Variants in BLTP3A observed in about 807,000 individuals in gnomAD.
BLTP3A encodes ICBP90 binding protein 1.
the BLTP3A span, among the ~76,000 whole-genome samples, chr6:34,847,921 C>CTTTTTTTTTTT: frequency 9.9e-5 from 9 of 91,140 alleles, no homozygotes; most frequent in African/African-American, 4.1e-4. Context: ...TCTTTTTTTC[C>CTTTTTTTTTTT]TTTTTTTTTT....
the BLTP3A span, among the ~76,000 whole-genome samples, chr6:34,843,231 G>T: frequency 6.6e-6 from 1 of 151,962 alleles, no homozygotes; most frequent in Non-Finnish European, 1.5e-5. Flanking sequence ...CAATCCTTCT[G>T]CCTTGGCCTC....
the BLTP3A span, among the ~76,000 whole-genome samples, chr6:34,851,528 C>CA: frequency 1.3e-5 from 2 of 152,180 alleles, no homozygotes; most frequent in East Asian, 3.9e-4. Context: ...GGAAGGGTGA[C>CA]ACAAGCACAC....
the BLTP3A span, among the ~76,000 whole-genome samples, chr6:34,813,959 A>T: frequency 7.8e-6 from 1 of 128,304 alleles, no homozygotes; most frequent in African/African-American, 3.0e-5. Context: ...ACCTCCCCAA[A>T]CCTCCCCAAC....
chr6:34,798,337 C>T, the BLTP3A span, among the ~76,000 whole-genome samples: 12 of 152,224 alleles, frequency 7.9e-5, no homozygotes, highest in African/African-American at 2.2e-4. Flanking sequence ...TTATGAACAG[C>T]GCTACTAGAA....
At chr6:34,792,177 A>G in the BLTP3A span, 484,086 of 1,379,776 alleles carry the variant, frequency 0.35, 91,030 homozygotes, top group African/African-American at 0.7. Flanking sequence ...AGGTGAGGGG[A>G]CCGCCTCTTC....
At chr6:34,807,844 A>G in the BLTP3A span, among the ~76,000 whole-genome samples, 1 of 152,158 alleles carries the variant, frequency 6.6e-6, no homozygotes, top group African/African-American at 2.4e-5. Flanking sequence ...GTTCGAGATC[A>G]GCCTGGCCAA....
chr6:34,830,854 T>TA, the BLTP3A span, among the ~76,000 whole-genome samples: 1 of 152,164 alleles, frequency 6.6e-6, no homozygotes, highest in East Asian at 1.9e-4. Flanking sequence ...CCATATCTGG[T>TA]ATTGTCTATC....
the BLTP3A span, among the ~76,000 whole-genome samples, chr6:34,868,786 G>A: frequency 2.6e-5 from 4 of 151,556 alleles, no homozygotes; most frequent in African/African-American, 9.7e-5. Context: ...AGCTGCTTGG[G>A]AGGCTGAGGT....
chr6:34,848,825 T>C, the BLTP3A span, among the ~76,000 whole-genome samples: 3 of 152,076 alleles, frequency 2.0e-5, no homozygotes, highest in Non-Finnish European at 4.4e-5. Flanking sequence ...AACATTATTA[T>C]TGATAAGTAA....
chr6:34,872,018 C>A, the BLTP3A span: 1 of 1,242,514 alleles, frequency 8.0e-7, no homozygotes, highest in Non-Finnish European at 1.1e-6. Flanking sequence ...AAAAAGGTTG[C>A]GTGTGCTGCC....
chr6:34,829,537 A>C, the BLTP3A span, among the ~76,000 whole-genome samples: 2 of 152,116 alleles, frequency 1.3e-5, no homozygotes, highest in Non-Finnish European at 2.9e-5. Flanking sequence ...ATTTTGTTAC[A>C]TATGTTTGTA....
chr6:34,793,091 C>A, the BLTP3A span, among the ~76,000 whole-genome samples: 1 of 152,128 alleles, frequency 6.6e-6, no homozygotes, highest in Non-Finnish European at 1.5e-5. Context: ...GAACCAACAA[C>A]GTCCGCTTCT....
the BLTP3A span, chr6:34,863,929 G>C: frequency 7.2e-7 from 1 of 1,391,660 alleles, no homozygotes; most frequent in East Asian, 2.4e-5. Flanking sequence ...GAAAGGGATG[G>C]GTATTGTAAG....
chr6:34,848,109 T>A, the BLTP3A span, among the ~76,000 whole-genome samples: 1 of 145,294 alleles, frequency 6.9e-6, no homozygotes, highest in Admixed American at 7.0e-5. Flanking sequence ...TTTGTAGAGA[T>A]GAGGTTTTGC....
the BLTP3A span, among the ~76,000 whole-genome samples, chr6:34,822,877 G>A: frequency 6.6e-6 from 1 of 151,610 alleles, no homozygotes; most frequent in African/African-American, 2.4e-5. Context: ...AGTTTAGTTT[G>A]GGTTGACTGT....
At chr6:34,836,284 C>CT in the BLTP3A span, 1 of 1,614,186 alleles carries the variant, frequency 6.2e-7, no homozygotes, top group Non-Finnish European at 8.5e-7. Flanking sequence ...AAGAGTCCTC[C>CT]TACCATCTGC....
At chr6:34,852,293 G>A in the BLTP3A span, among the ~76,000 whole-genome samples, 1 of 151,936 alleles carries the variant, frequency 6.6e-6, no homozygotes, top group East Asian at 1.9e-4. Context: ...TACTGTCTAG[G>A]TGCTGCTCAT....
chr6:34,839,268 ACGG>A, the BLTP3A span, among the ~76,000 whole-genome samples: 1 of 152,218 alleles, frequency 6.6e-6, no homozygotes, highest in Non-Finnish European at 1.5e-5. Context: ...ATTTTAAAAT[ACGG>A]GAATAATTCT....
the BLTP3A span, among the ~76,000 whole-genome samples, chr6:34,848,301 TAATC>T: frequency 1.1e-4 from 17 of 148,310 alleles, no homozygotes; most frequent in South Asian, 2.1e-4. Flanking sequence ...AAAATAATAA[TAATC>T]AATCAATCAA....
Sources: allele counts gnomAD v4.1 joint callset (sites outside exome capture counted in the v4.1 genomes callset), GRCh38; gene constraint gnomAD v4.1.1; transcripts MANE v1.5; gene names NCBI Gene and HGNC (gene_info 2026-07-23, HGNC 2026-07-21).